The following RARB variants were observed in gnomAD, a reference collection of about 807,000 sequenced individuals.
RARB encodes the protein HBV-activated protein.
In RARB, 17 loss-of-function variants were observed where a neutral mutation model predicts 51.9. The ratio of observed to expected loss-of-function variants is 0.33; its 90% CI spans 0.22 to 0.49. RARB has a LOEUF of 0.49. RARB is among the 20% of genes least tolerant of loss of function. The pLI, the probability that RARB is intolerant of heterozygous loss-of-function variation, is 0.99. For missense variants in RARB, 369 were observed against 550.8 expected (o/e 0.67, Z 3.30); for synonymous variants, 215 against 195.4 (o/e 1.10, Z -0.84).
intron 5 of RARB, among the ~76,000 whole-genome samples, chr3:25,326,478 G>A (rs894064139): frequency 3.9e-5 from 6 of 152,086 alleles, no homozygotes; most frequent in Non-Finnish European, 8.8e-5. Flanking sequence ...TTTAATACTT[G>A]GAAATGGCCC....
chr3:25,097,048 C>G (rs1405622546), intron 3 of RARB, among the ~76,000 whole-genome samples: 1 of 152,118 alleles, frequency 6.6e-6, no homozygotes, highest in Admixed American at 6.6e-5. Flanking sequence ...TAGGTTATTC[C>G]TTTTAGTTCT....
intron 2 of RARB, among the ~76,000 whole-genome samples, chr3:24,886,918 G>A (rs1703278945): frequency 6.6e-6 from 1 of 152,190 alleles, no homozygotes; most frequent in Non-Finnish European, 1.5e-5. Flanking sequence ...GTTTTGAATT[G>A]TTTCTAAATA....
At chr3:25,448,311 T>A (rs1709040084) in intron 1 of RARB, among the ~76,000 whole-genome samples, 1 of 152,154 alleles carries the variant, frequency 6.6e-6, no homozygotes, top group African/African-American at 2.4e-5. Flanking sequence ...TTTTTCAAGA[T>A]TTTCTTAACA....
intron 3 of RARB, among the ~76,000 whole-genome samples, chr3:25,566,361 CAG>C (rs368492950): frequency 4.6e-4 from 70 of 152,298 alleles, no homozygotes; most frequent in African/African-American, 1.5e-3. Flanking sequence ...TTCACATAGA[CAG>C]TGGTGGTGGG....
intron 2 of RARB, among the ~76,000 whole-genome samples, chr3:25,012,556 T>C (rs1004817031): frequency 3.3e-5 from 5 of 152,168 alleles, no homozygotes. Context: ...AGTTTTACCG[T>C]CTTATTACAC....
At chr3:25,194,422 T>C (rs1701180421) in intron 5 of RARB, among the ~76,000 whole-genome samples, 1 of 151,436 alleles carries the variant, frequency 6.6e-6, no homozygotes, top group Non-Finnish European at 1.5e-5. Context: ...TGGAAGGTGA[T>C]GGATAGCATA....
intron 4 of RARB, among the ~76,000 whole-genome samples, chr3:25,159,182 A>G (rs1455064876): frequency 5.9e-3 from 136 of 22,954 alleles, no homozygotes; most frequent in African/African-American, 0.021. Context: ...TTTTTTTTTG[A>G]GATGGAGTTT....
intron 3 of RARB, among the ~76,000 whole-genome samples, chr3:25,566,174 C>T (rs1354373742): frequency 3.3e-5 from 5 of 152,204 alleles, no homozygotes; most frequent in Non-Finnish European, 5.9e-5. Context: ...TCAAACACTG[C>T]GTCTGCGTTC....
intron 5 of RARB, among the ~76,000 whole-genome samples, chr3:25,373,365 G>C (rs191142461): frequency 6.6e-6 from 1 of 152,092 alleles, no homozygotes; most frequent in African/African-American, 2.4e-5. Flanking sequence ...ACCAACCCAG[G>C]AAATGAAGAA....
At chr3:25,307,528 C>A (rs949741508) in intron 5 of RARB, among the ~76,000 whole-genome samples, 10 of 152,198 alleles carry the variant, frequency 6.6e-5, no homozygotes, top group Non-Finnish European at 1.5e-4. Flanking sequence ...TTTTTGTTTT[C>A]CAACAGTGAG....
intron 5 of RARB, among the ~76,000 whole-genome samples, chr3:25,296,148 G>A (rs972193853): frequency 1.3e-5 from 2 of 152,032 alleles, no homozygotes; most frequent in East Asian, 3.9e-4. Context: ...AACTTGAGAT[G>A]AGCCTTGAAA....
chr3:25,462,393 C>T (rs988736326), intron 2 of RARB: 3 of 152,200 alleles, frequency 2.0e-5, no homozygotes, highest in Non-Finnish European at 4.4e-5. Flanking sequence ...CTGTTTTGAA[C>T]TAGCCCTTCC....
chr3:25,390,958 G>T (rs577952532), intron 5 of RARB, among the ~76,000 whole-genome samples: 4 of 151,922 alleles, frequency 2.6e-5, no homozygotes, highest in Admixed American at 2.6e-4. Flanking sequence ...ACATGAATAA[G>T]TTCTTAGTGG....
intron 5 of RARB, among the ~76,000 whole-genome samples, chr3:25,334,748 G>A (rs1160803727): frequency 2.0e-5 from 3 of 151,990 alleles, no homozygotes; most frequent in Non-Finnish European, 2.9e-5. Context: ...AAAGTGGAGC[G>A]GGAAGGAAAA....
intron 5 of RARB, among the ~76,000 whole-genome samples, chr3:25,251,792 T>C (rs1411303931): frequency 8.1e-6 from 1 of 122,894 alleles, no homozygotes; most frequent in Non-Finnish European, 1.9e-5. Flanking sequence ...TCGCAAATAC[T>C]TCTTTTCATC....
chr3:25,121,039 A>G (rs1699776290), intron 3 of RARB, among the ~76,000 whole-genome samples: 1 of 152,164 alleles, frequency 6.6e-6, no homozygotes, highest in African/African-American at 2.4e-5. Context: ...TATAATTTGA[A>G]AAGTGCTGTA....
At chr3:24,992,451 A>AC (rs1331717168) in intron 2 of RARB, among the ~76,000 whole-genome samples, 1 of 152,140 alleles carries the variant, frequency 6.6e-6, no homozygotes, top group African/African-American at 2.4e-5. Context: ...CTCTGATAAA[A>AC]CCAGAGAAAA....
intron 6 of RARB, among the ~76,000 whole-genome samples, chr3:25,593,933 C>G (rs1301009826): frequency 6.6e-6 from 1 of 151,958 alleles, no homozygotes; most frequent in Non-Finnish European, 1.5e-5. Flanking sequence ...AAAGCTATTA[C>G]TCCAATTGCC....
At chr3:25,208,973 A>G (rs567564563) in intron 5 of RARB, among the ~76,000 whole-genome samples, 2 of 152,366 alleles carry the variant, frequency 1.3e-5, no homozygotes, top group African/African-American at 2.4e-5. Flanking sequence ...CCCTGGGTCT[A>G]GGCTAATGTT....
Sources: gnomAD v4.1 joint callset for allele counts (sites outside exome capture counted in the v4.1 genomes callset) on GRCh38, gnomAD v4.1.1 for gene constraint, MANE v1.5 for transcripts, NCBI Gene and HGNC (gene_info 2026-07-23, HGNC 2026-07-21) for gene names.